The following SLC25A35 variants were observed in gnomAD, a reference collection of about 807,000 sequenced individuals.
The protein encoded by SLC25A35 is solute carrier family 25, member 35.
A neutral mutation model predicts 30.5 loss-of-function variants in SLC25A35; 32 were observed. The ratio of observed to expected loss-of-function variants is 1.05; its 90% CI spans 0.79 to 1.41. The LOEUF (loss-of-function observed/expected upper bound fraction) is 1.41, where lower values mean the gene tolerates loss of function less well. Among genes scored for constraint, SLC25A35 ranks in the 40% most tolerant of loss-of-function variants. The pLI, the probability that SLC25A35 is intolerant of heterozygous loss-of-function variation, is 0.00. For missense variants in SLC25A35, 369 were observed against 388.0 expected (o/e 0.95, Z 0.41); for synonymous variants, 142 against 158.1 (o/e 0.90, Z 0.77).
chr17:8,293,762 A>G lies in SLC25A35; in HGVS notation c.375+671T>C, dbSNP rs1472148802. 2.0e-5 allele frequency among the ~76,000 whole-genome samples: 3 copies of G among 150,252 alleles called. No homozygotes were observed. The East Asian group carries it at 5.9e-4, about 30-fold the overall frequency. The stretch of plus-strand genomic sequence containing the variant: ...GAGACGGGGTTTCACCGTGTTAGCC[A>G]GGATGGTCTCCATCTCCTGACCTCG... On this transcript the variant is annotated intron_variant, in intron 1 of 4. Coordinates refer to ENST00000577745, the MANE Select transcript of SLC25A35 (RefSeq NM_001320870.2).
intron 4 of SLC25A35, 73 bp downstream of exon 4, chr17:8,290,769 C>T: frequency 1.2e-6 from 2 of 1,602,436 alleles, no homozygotes; most frequent in Non-Finnish European, 8.5e-7. Context: ...GCATTTCAGG[C>T]TATCCCACCT....
intron 1 of SLC25A35, among the ~76,000 whole-genome samples, chr17:8,293,454 T>C (rs1429698655): frequency 6.6e-6 from 1 of 152,166 alleles, no homozygotes; most frequent in Non-Finnish European, 1.5e-5. Context: ...TTTGTCTCCC[T>C]CGATCCTCCC....
Position 8,290,967 on chromosome 17 carries a change from G to C in SLC25A35, c.604C>G (p.Pro202Ala). The change falls in exon 4 of 5, where the codon CCC becomes GCC. Residue 202 changes from proline (P) to alanine (A), a missense_variant. Transcript: ENST00000577745. ...DLLSQWEIFP[P>A]QSWKLALVAA... ...ACCAGCGCCAACTTCCAGCTCTGGG[G>C]AGGAAAGATCTAAGGGGGTAGAGAG... 6.2e-7 allele frequency: 1 copy of C among 1,614,068 alleles called. No homozygotes were observed. The highest frequency in any genetic ancestry group is 1.1e-5 in the South Asian group (1 of 91,086).
At position 8,291,457 on chromosome 17, in the gene SLC25A35, C is replaced by G; in HGVS notation, c.470G>C (p.Gly157Ala). The G allele has an allele frequency of 1.9e-6, 3 of 1,614,138 alleles. No individual in the cohort carries two copies. The highest frequency in any genetic ancestry group is 2.5e-6 in the Non-Finnish European group (3 of 1,179,996). The change falls in exon 3 of 5, where the codon GGC becomes GCC. Residue 157 changes from glycine (G) to alanine (A), a missense_variant. By Grantham distance (60) the Gly-to-Ala change is moderately conservative (BLOSUM62 0). Coordinates refer to ENST00000577745, the MANE Select transcript of SLC25A35 (RefSeq NM_001320870.2). ...TAACCCCACCAGACCATGTTTCTGGCCAATCTCGGTTAGCGCCTGAAACAT... is the reference window on the plus strand; with the variant it reads ...TAACCCCACCAGACCATGTTTCTGGGCAATCTCGGTTAGCGCCTGAAACAT... The part of the protein sequence containing the change: ...QGMFQALTEI[G>A]QKHGLVGLWR...
chr17:8,291,049 C>T (rs1990456895), intron 3 of SLC25A35, 73 bp from the exon 4 acceptor site: 1 of 1,576,060 alleles, frequency 6.3e-7, no homozygotes, highest in East Asian at 2.3e-5. Context: ...AGTCCCTGCC[C>T]TGGGGACACA....
Position 8,290,604 on chromosome 17 carries a change from C to A in SLC25A35, c.804G>T (p.Lys268Asn), listed in dbSNP as rs919994567. 3.3e-6 allele frequency: 5 copies of A among 1,536,636 alleles called. No individual in the cohort carries two copies. The highest frequency in any genetic ancestry group is 4.4e-6 in the Non-Finnish European group (5 of 1,147,096). ...ARTEGIFGMY[K>N]GIGASYFRLG... Reference sequence around the variant, plus strand: ...GGCGGAAGTAGGAGGCACCTATACCCTTGTACATGCCAAAAATGCCCTCGG... The same window carrying A: ...GGCGGAAGTAGGAGGCACCTATACCATTGTACATGCCAAAAATGCCCTCGG... Residue 268 changes from lysine to asparagine, a missense_variant, in exon 5 of 5, where the codon AAG becomes AAT. By Grantham distance (94) the Lys-to-Asn change is moderately conservative. Coordinates refer to ENST00000577745, the MANE Select transcript of SLC25A35 (RefSeq NM_001320870.2).
chr17:8,289,140 C>T, downstream of SLC25A35: 2 of 1,602,112 alleles, frequency 1.2e-6, no homozygotes, highest in East Asian at 4.5e-5. Context: ...GGCCCGCGGC[C>T]GACGGTTAAT....
In SLC25A35 at chr17:8,294,894, C is replaced by G; in HGVS notation, c.-87G>C. The G allele has an allele frequency of 6.6e-7, 1 of 1,504,724 alleles. No individual in the cohort carries two copies. Among genetic ancestry groups the G allele is most frequent in the Non-Finnish European group, 8.8e-7 (1 of 1,131,866 alleles). 93.2% of individuals were successfully genotyped at this position (1,504,724 alleles called of 1,614,324 possible). A position where few individuals can be genotyped will look rare whatever the true frequency, so the allele number is the denominator to read the frequency against. The stretch of plus-strand genomic sequence containing the variant: ...GCGGGGTTGGAAGACAGGGGGAAGG[C>G]CTGTTTCAGCAGTACAGGTTGCAGA... On this transcript the variant is annotated 5_prime_UTR_variant, in exon 1 of 5. Transcript: ENST00000577745.
At chr17:8,289,058 C>G (rs746995613), downstream of SLC25A35, 3 of 1,613,700 alleles carry the variant, frequency 1.9e-6, no homozygotes, top group Non-Finnish European at 2.5e-6. Flanking sequence ...ACGTACGGGG[C>G]GAAGCGGCTG....
downstream of SLC25A35, chr17:8,289,750 T>C (rs1254993359): frequency 1.9e-6 from 3 of 1,613,612 alleles, no homozygotes; most frequent in East Asian, 2.2e-5. Context: ...GGAACAGGAA[T>C]TGGCAATTTC....
At chr17:8,287,877 A>C (rs1990199104), downstream of SLC25A35, 1 of 152,136 alleles carries the variant, frequency 6.6e-6, no homozygotes. Flanking sequence ...GAGGAATTAG[A>C]TTTCTAATAC....
intron 3 of SLC25A35, 80 bp downstream of exon 3, chr17:8,291,253 C>A: frequency 6.4e-7 from 1 of 1,563,724 alleles, no homozygotes; most frequent in Non-Finnish European, 8.7e-7. Flanking sequence ...TGTTGGGCAC[C>A]ATCCCCTCCA....
At position 8,291,505 on chromosome 17, in the gene SLC25A35, G is replaced by C. The variant is rs1235376232; in HGVS notation, c.442-20C>G. 6.3e-7 allele frequency: 1 copy of C among 1,597,684 alleles called. No homozygotes were observed. Among genetic ancestry groups the C allele is most frequent in the Non-Finnish European group, 8.5e-7 (1 of 1,171,598 alleles). Reference sequence around the variant, plus strand: ...CATGCCCTAGTGTGGGGAAGACCGGGGGTGGGGTTCAGACAGCCCAGCATC... The same window carrying C: ...CATGCCCTAGTGTGGGGAAGACCGGCGGTGGGGTTCAGACAGCCCAGCATC... On this transcript the variant is annotated intron_variant, in intron 2 of 4. Coordinates refer to ENST00000577745, the MANE Select transcript of SLC25A35 (RefSeq NM_001320870.2).
At chr17:8,288,624 G>A, downstream of SLC25A35, 1 of 806,834 alleles carries the variant, frequency 1.2e-6, no homozygotes, top group South Asian at 1.5e-5. Flanking sequence ...TCTTGGCGCC[G>A]ATTGGCCAAC....
intron 2 of SLC25A35, among the ~76,000 whole-genome samples, chr17:8,292,060 T>A (rs905953530): frequency 6.6e-6 from 1 of 152,184 alleles, no homozygotes; most frequent in African/African-American, 2.4e-5. Flanking sequence ...CGCATGGCTG[T>A]AATCCCAGCT....
rs556653523 is a variant in SLC25A35 at position 8,290,668 on chromosome 17, T to A, written c.740A>T (p.Tyr247Phe). Residue 247 changes from tyrosine to phenylalanine, a missense_variant, in exon 5 of 5, where the codon TAC becomes TTC. Transcript: ENST00000577745. ...CAGCAGAGCGTCCAGTATCCCCCGGTACATGAGGCCCTGAGAGTGTGTCAG... is the reference window on the plus strand; with the variant it reads ...CAGCAGAGCGTCCAGTATCCCCCGGAACATGAGGCCCTGAGAGTGTGTCAG... ...PTDAQGKGLM[Y>F]RGILDALLQT... is the part of the protein sequence containing the mutation. 6.3e-7 allele frequency: 1 copy of A among 1,575,800 alleles called. No individual in the cohort carries two copies. The highest frequency in any genetic ancestry group is 8.6e-7 in the Non-Finnish European group (1 of 1,167,270).
chr17:8,288,761 C>G, downstream of SLC25A35: 4 of 1,613,074 alleles, frequency 2.5e-6, no homozygotes, highest in Non-Finnish European at 3.4e-6. Context: ...TTAAACCTTT[C>G]TAATGCCCAT....
In SLC25A35 at chr17:8,294,539, C is replaced by G; in HGVS notation, c.269G>C (p.Gly90Ala). 6.2e-7 allele frequency: 1 copy of G among 1,614,016 alleles called. No individual in the cohort carries two copies. Among genetic ancestry groups the G allele is most frequent in the South Asian group, 1.1e-5 (1 of 91,088 alleles). ...GCCTTCGGCTGTGTGCAGGTAGCCC[C>G]CAGCCTCAGCCAGCCCATAGGTGCC... ...RLGTYGLAEA[G>A]GYLHTAEGTH... Residue 90 changes from glycine to alanine, a missense_variant, in exon 1 of 5, where the codon GGG becomes GCG. Coordinates refer to ENST00000577745, the MANE Select transcript of SLC25A35 (RefSeq NM_001320870.2).
At chr17:8,289,049 C>T (rs2151608672), downstream of SLC25A35, 2 of 1,613,868 alleles carry the variant, frequency 1.2e-6, no homozygotes, top group South Asian at 1.1e-5. Flanking sequence ...TGCAGGCCCA[C>T]GTACGGGGCG....
Sources: gnomAD v4.1 joint callset for allele counts (sites outside exome capture counted in the v4.1 genomes callset) on GRCh38, gnomAD v4.1.1 for gene constraint, MANE v1.5 for transcripts, NCBI Gene and HGNC (gene_info 2026-07-23, HGNC 2026-07-21) for gene names.